MOB3B: variants seen among roughly 807,000 people sequenced by gnomAD.
MOB3B encodes the protein MOB kinase activator-like 2B.
Under a neutral mutation model 18.7 loss-of-function variants are expected in MOB3B, and 7 were observed. The observed-to-expected ratio is 0.37, with a 90% CI of 0.21 to 0.70. The LOEUF (loss-of-function observed/expected upper bound fraction) is 0.70, where lower values mean the gene tolerates loss of function less well. Among genes scored for constraint, MOB3B ranks in the 30% least tolerant of loss-of-function variants. The probability of loss-of-function intolerance (pLI) is 0.52; values close to 1 mark genes in which losing one functional copy is unlikely to be tolerated. For missense variants in MOB3B, 253 were observed against 281.3 expected, an observed-to-expected ratio of 0.90 and a Z score of 0.72; for synonymous variants, 111 against 99.9, an observed-to-expected ratio of 1.11 and a Z score of -0.66.
At chr9:27,384,829 C>T (rs1447133303) in intron 2 of MOB3B, among the ~76,000 whole-genome samples, 4 of 152,158 alleles carry the variant, frequency 2.6e-5, no homozygotes, top group East Asian at 3.9e-4. Flanking sequence ...GTCCTTCTGG[C>T]CCATGGCACC....
At chr9:27,438,284 C>G (rs898803514) in intron 2 of MOB3B, among the ~76,000 whole-genome samples, 3 of 152,200 alleles carry the variant, frequency 2.0e-5, no homozygotes, top group Non-Finnish European at 4.4e-5. Flanking sequence ...TAACTGGATT[C>G]AAAGCCCTGT....
At chr9:27,389,643 G>C (rs1821697589) in intron 2 of MOB3B, among the ~76,000 whole-genome samples, 1 of 152,046 alleles carries the variant, frequency 6.6e-6, no homozygotes, top group Non-Finnish European at 1.5e-5. Flanking sequence ...TGATTATCCG[G>C]TTCTTTCACT....
rs375043450 is a variant in MOB3B, at chr9:27,342,217, A to G, written c.622-11601T>C. On this transcript the variant is annotated intron_variant, in intron 3 of 3. Coordinates refer to ENST00000262244, the MANE Select transcript of MOB3B (RefSeq NM_024761.5). ...CCATGCCAATACCATGACCAGTGAG[A>G]CTCTCTAGTTTTGACCCACATGGTT... 3.3e-5 allele frequency among the ~76,000 whole-genome samples: 5 copies of G among 152,140 alleles called. No individual in the cohort carries two copies. In the East Asian group the frequency reaches 5.8e-4, roughly 18 times the overall value.
rs1822221266 is a variant in MOB3B at position 27,420,247 on chromosome 9, A to T, written c.418+34886T>A. 2.6e-5 allele frequency among the ~76,000 whole-genome samples: 4 copies of T among 152,108 alleles called. No individual in the cohort carries two copies. In the South Asian group the frequency reaches 6.2e-4, roughly 24 times the overall value. On this transcript the variant is annotated intron_variant, in intron 2 of 3. Coordinates refer to ENST00000262244, the MANE Select transcript of MOB3B (RefSeq NM_024761.5). ...ACAGGCACTATGGAAAACAGTGTGG[A>T]GATTCCTTAAAGAACTAAAAGTAGA...
intron 1 of MOB3B, among the ~76,000 whole-genome samples, chr9:27,501,628 A>AT (rs1392007189): frequency 6.6e-6 from 1 of 151,348 alleles, no homozygotes; most frequent in Non-Finnish European, 1.5e-5. Context: ...GAAGGATAGC[A>AT]TTGGGATAAA....
At chr9:27,342,958 G>A (rs987286812) in intron 3 of MOB3B, among the ~76,000 whole-genome samples, 70 of 150,398 alleles carry the variant, frequency 4.7e-4, no homozygotes, top group African/African-American at 1.5e-3. Flanking sequence ...CCCTCTGCCC[G>A]GCCGCCACCC....
At chr9:27,454,968 G>GT (rs565826884) in intron 2 of MOB3B, among the ~76,000 whole-genome samples, 165 bp downstream of exon 2, 70 of 149,574 alleles carry the variant, frequency 4.7e-4, no homozygotes, top group East Asian at 5.9e-4. Context: ...GGTCCATAAA[G>GT]TTTTTTTTTT....
intron 1 of MOB3B, among the ~76,000 whole-genome samples, chr9:27,511,433 C>T (rs574789268): frequency 3.9e-5 from 6 of 152,092 alleles, no homozygotes; most frequent in East Asian, 3.9e-4. Flanking sequence ...ATGTATTCAC[C>T]GGTAACACTG....
intron 3 of MOB3B, among the ~76,000 whole-genome samples, chr9:27,338,436 G>A (rs139924613): frequency 2.6e-5 from 4 of 152,284 alleles, no homozygotes; most frequent in African/African-American, 4.8e-5. Context: ...AATTTGCCCT[G>A]GCAGCTGGCT....
At chr9:27,361,208 C>G (rs1004682844) in intron 2 of MOB3B, among the ~76,000 whole-genome samples, 1 of 152,154 alleles carries the variant, frequency 6.6e-6, no homozygotes, top group African/African-American at 2.4e-5. Flanking sequence ...AGCACTGAAG[C>G]TCTTCAGCAT....
chr9:27,365,386 G>C (rs1312453838), intron 2 of MOB3B, among the ~76,000 whole-genome samples: 4 of 117,502 alleles, frequency 3.4e-5, no homozygotes, highest in African/African-American at 1.2e-4. Flanking sequence ...TTTTTTTTCA[G>C]GTAGTGAGAG....
intron 1 of MOB3B, among the ~76,000 whole-genome samples, chr9:27,490,358 C>T (rs1005840042): frequency 6.6e-6 from 1 of 152,154 alleles, no homozygotes; most frequent in Non-Finnish European, 1.5e-5. Flanking sequence ...CACACTCACA[C>T]CCCTGCAATA....
chr9:27,354,521 T>G (rs1821156182), intron 3 of MOB3B, among the ~76,000 whole-genome samples: 1 of 152,214 alleles, frequency 6.6e-6, no homozygotes, highest in South Asian at 2.1e-4. Flanking sequence ...TGTCTATTGC[T>G]AATCTGACAG....
At chr9:27,491,734 G>A (rs1045289613) in intron 1 of MOB3B, among the ~76,000 whole-genome samples, 12 of 152,038 alleles carry the variant, frequency 7.9e-5, no homozygotes, top group South Asian at 6.2e-4. Flanking sequence ...TTAGCTGGGC[G>A]TGGTGGCAGG....
chr9:27,402,421 A>G (rs1821899470), intron 2 of MOB3B, among the ~76,000 whole-genome samples: 1 of 152,162 alleles, frequency 6.6e-6, no homozygotes, highest in Non-Finnish European at 1.5e-5. Flanking sequence ...TGAATGAATT[A>G]ATGTGGATAA....
intron 1 of MOB3B, among the ~76,000 whole-genome samples, chr9:27,467,549 G>A (rs961593510): frequency 6.6e-6 from 1 of 152,196 alleles, no homozygotes; most frequent in Admixed American, 6.5e-5. Flanking sequence ...GCACCTCAGA[G>A]GGAAGCACCA....
chr9:27,448,317 G>A (rs757842477), intron 2 of MOB3B, among the ~76,000 whole-genome samples: 4 of 152,148 alleles, frequency 2.6e-5, no homozygotes, highest in Non-Finnish European at 5.9e-5. Context: ...CATAATGCAG[G>A]TGTATTAGTC....
chr9:27,409,728 T>C (rs1475759754), intron 2 of MOB3B, among the ~76,000 whole-genome samples: 2 of 152,188 alleles, frequency 1.3e-5, no homozygotes, highest in Non-Finnish European at 2.9e-5. Flanking sequence ...ATGTGGTATA[T>C]ATATAAAATG....
At chr9:27,399,147 C>T (rs2131390127) in intron 2 of MOB3B, among the ~76,000 whole-genome samples, 1 of 152,228 alleles carries the variant, frequency 6.6e-6, no homozygotes, top group South Asian at 2.1e-4. Flanking sequence ...AATGACATTC[C>T]ATTCTTCCCT....
Sources: gnomAD v4.1 joint callset for allele counts (sites outside exome capture counted in the v4.1 genomes callset) on GRCh38, gnomAD v4.1.1 for gene constraint, MANE v1.5 for transcripts, NCBI Gene and HGNC (gene_info 2026-07-23, HGNC 2026-07-21) for gene names.